Variants in XRN1 observed in about 807,000 individuals in gnomAD.
The protein encoded by XRN1 is 5'-3' exoribonuclease 1.
XRN1 carries 67 observed loss-of-function variants against 222.3 expected under a neutral mutation model. The observed-to-expected ratio is 0.30, with a 90% CI of 0.25 to 0.37. The LOEUF (loss-of-function observed/expected upper bound fraction) is 0.37, where lower values mean the gene tolerates loss of function less well. Among genes scored for constraint, XRN1 ranks in the 10% least tolerant of loss-of-function variants. The pLI, the probability that XRN1 is intolerant of heterozygous loss-of-function variation, is 1.00. For missense variants in XRN1, 1,707 were observed against 2,000.2 expected (o/e 0.85, Z 2.80); for synonymous variants, 643 against 652.4 (o/e 0.99, Z 0.22).
At chr3:142,402,535 C>T (rs112723933) in intron 18 of XRN1, among the ~76,000 whole-genome samples, 18 of 152,252 alleles carry the variant, frequency 1.2e-4, no homozygotes, top group African/African-American at 2.6e-4. Context: ...ACACAAAATA[C>T]GTCTACTTTC....
At position 142,311,816 on chromosome 3, in the gene XRN1, GTTA is replaced by G; in HGVS notation, c.4783-6_4783-4del. ...TTTGCAACCCTTTTTTTAGTAACCT[GTTA>G]GGAATAAAAGCATCACTAATTAATA... On this transcript the variant is annotated splice_polypyrimidine_tract_variant and splice_region_variant and intron_variant, in intron 40 of 40. Transcript: ENST00000392981. The G allele has an allele frequency of 6.4e-7, 1 of 1,574,722 alleles. No individual in the cohort carries two copies. Among genetic ancestry groups the G allele is most frequent in the Admixed American group, 1.9e-5 (1 of 51,322 alleles).
At chr3:142,380,924 G>A (rs1195390873) in intron 22 of XRN1, among the ~76,000 whole-genome samples, 1 of 151,860 alleles carries the variant, frequency 6.6e-6, no homozygotes, top group Non-Finnish European at 1.5e-5. Flanking sequence ...AATGTGCTGG[G>A]ATTACAGGTG....
intron 2 of XRN1, among the ~76,000 whole-genome samples, chr3:142,431,870 T>TA (rs1204477345): frequency 0.012 from 248 of 21,474 alleles, 6 homozygotes; most frequent in African/African-American, 0.079. Flanking sequence ...ATATAATATA[T>TA]TATATTATAT....
rs1014406539 is a variant in XRN1 at position 142,423,461 on chromosome 3, C to T, written c.710+99G>A. 86 of 916,980 alleles carry T rather than the reference C, an allele frequency of 9.4e-5. No individual in the cohort carries two copies. In the African/African-American group the frequency reaches 1.4e-3, roughly 15 times the overall value. The allele number at this position is 916,980 out of a possible 1,614,324, so 56.8% of individuals were successfully genotyped here. Reference sequence around the variant, plus strand: ...CACTATCAACATAGTGAAAAGGCAACCTACGGAATGAGATAAAGTATTTAC... The same window carrying T: ...CACTATCAACATAGTGAAAAGGCAATCTACGGAATGAGATAAAGTATTTAC... On this transcript the variant is annotated intron_variant, in intron 6 of 40. Transcript: ENST00000392981.
chr3:142,347,480 C>T lies in XRN1; in HGVS notation c.3769-138G>A, dbSNP rs1018814235. The T allele has an allele frequency of 3.7e-5, 19 of 520,394 alleles. 1 individual carries two copies. The highest frequency in any genetic ancestry group is 7.9e-5 in the African/African-American group (4 of 50,428). The allele number at this position is 520,394 out of a possible 1,614,324, so 32.2% of individuals were successfully genotyped here. ...AACTTAATACAGAAAAGTATAGAGA[C>T]TTTTAAAGCCACTTGAACTCTATCA... On this transcript the variant is annotated intron_variant, in intron 32 of 40. Transcript: ENST00000392981.
chr3:142,397,248 T>TA, intron 20 of XRN1, 81 bp downstream of exon 20: 2 of 1,358,462 alleles, frequency 1.5e-6, no homozygotes, highest in Admixed American at 2.5e-5. Flanking sequence ...ACTACTATGT[T>TA]AAATGGAAAA....
At chr3:142,391,747 AAAAT>A (rs67107312) in intron 20 of XRN1, among the ~76,000 whole-genome samples, 33,606 of 106,342 alleles carry the variant, frequency 0.32, 4,160 homozygotes, top group Middle Eastern at 0.44. Flanking sequence ...AAAAAAAAAA[AAAAT>A]ATATATATAT....
chr3:142,383,109 G>A (rs1022013236), intron 22 of XRN1, among the ~76,000 whole-genome samples, 191 bp downstream of exon 22: 3 of 152,102 alleles, frequency 2.0e-5, no homozygotes, highest in African/African-American at 7.2e-5. Flanking sequence ...AAGACTAAAA[G>A]TATATGGTCT....
intron 39 of XRN1, among the ~76,000 whole-genome samples, chr3:142,313,917 T>C (rs1238187794): frequency 6.6e-6 from 1 of 152,144 alleles, no homozygotes; most frequent in Non-Finnish European, 1.5e-5. Flanking sequence ...TTTAACTTGG[T>C]TGACAGAGTG....
intron 33 of XRN1, among the ~76,000 whole-genome samples, chr3:142,346,150 G>A (rs2066138544): frequency 6.6e-6 from 1 of 152,114 alleles, no homozygotes; most frequent in Admixed American, 6.5e-5. Flanking sequence ...ACAAATGGAT[G>A]AACCGATAAA....
At position 142,332,849 on chromosome 3, in the gene XRN1, T is replaced by C. The variant is rs2065739018; in HGVS notation, c.4062+118A>G. The C allele has an allele frequency of 2.8e-6, 4 of 1,430,782 alleles. No homozygotes were observed. In the Admixed American group the frequency reaches 7.1e-5, roughly 25 times the overall value. 88.6% of individuals were successfully genotyped at this position (1,430,782 alleles called of 1,614,324 possible). A position where few individuals can be genotyped will look rare whatever the true frequency, so the allele number is the denominator to read the frequency against. ...GCCTGGTTTCCTCACAAGATGACAA[T>C]AATGATGTAACATACCAGCCTCCAT... On this transcript the variant is annotated intron_variant, in intron 35 of 40. Transcript: ENST00000392981.
chr3:142,331,241 G>C (rs188839424), intron 36 of XRN1, among the ~76,000 whole-genome samples: 1 of 152,310 alleles, frequency 6.6e-6, no homozygotes, highest in East Asian at 1.9e-4. Context: ...GCCTTTAGTA[G>C]ATCATTATAC....
intron 39 of XRN1, 90 bp downstream of exon 39, chr3:142,318,502 T>C: frequency 8.4e-7 from 1 of 1,190,126 alleles, no homozygotes. Flanking sequence ...CTTACATTCC[T>C]AGATATTTGA....
intron 1 of XRN1, among the ~76,000 whole-genome samples, chr3:142,442,924 G>A (rs1033241967): frequency 1.3e-5 from 2 of 152,036 alleles, no homozygotes; most frequent in South Asian, 2.1e-4. Context: ...TAGTAGAGAC[G>A]GGGTTTCACC....
chr3:142,360,884 A>AC (rs1553725960), intron 29 of XRN1, among the ~76,000 whole-genome samples: 3 of 151,436 alleles, frequency 2.0e-5, no homozygotes, highest in South Asian at 2.1e-4. Context: ...AAAAAAAAAA[A>AC]AAAAAACCAA....
chr3:142,423,684 TTAA>T (rs1231429589), intron 5 of XRN1, 42 bp from the exon 6 acceptor site: 4 of 1,471,060 alleles, frequency 2.7e-6, no homozygotes, highest in East Asian at 4.8e-5. Context: ...TCTCCCATTT[TTAA>T]TAATATTAGG....
intron 38 of XRN1, 31 bp from the exon 39 acceptor site, chr3:142,318,725 T>C (rs1244599529): frequency 6.2e-6 from 10 of 1,610,370 alleles, no homozygotes; most frequent in Middle Eastern, 1.7e-4. Context: ...TACAAGACAA[T>C]GCAATACAAG....
In XRN1 at chr3:142,384,967, G is replaced by A. The variant is rs112194880; in HGVS notation, c.2340-282C>T. Among the ~76,000 whole-genome samples, 1,262 of 152,140 alleles carry A rather than the reference G, an allele frequency of 8.3e-3. 19 individuals carry two copies. Among genetic ancestry groups the A allele is most frequent in the African/African-American group, 0.028 (1,153 of 41,484 alleles). Reference sequence around the variant, plus strand: ...CTAGGATCGTTATAATTAAAAAACAGGGAAAAAAATAAGTTTTGGTGATGA... The same window carrying A: ...CTAGGATCGTTATAATTAAAAAACAAGGAAAAAAATAAGTTTTGGTGATGA... On this transcript the variant is annotated intron_variant, in intron 20 of 40. Transcript: ENST00000392981.
intron 27 of XRN1, among the ~76,000 whole-genome samples, chr3:142,366,721 A>G (rs551580842): frequency 3.9e-4 from 59 of 152,318 alleles, no homozygotes; most frequent in African/African-American, 1.0e-3. Context: ...CTAAAAGACT[A>G]CAACAGCAAA....
Sources: allele counts gnomAD v4.1 joint callset (sites outside exome capture counted in the v4.1 genomes callset), GRCh38; gene constraint gnomAD v4.1.1; transcripts MANE v1.5; gene names NCBI Gene and HGNC (gene_info 2026-07-23, HGNC 2026-07-21).